The following PTP4A3 variants were observed in gnomAD, a reference collection of about 807,000 sequenced individuals.
PTP4A3 encodes protein tyrosine phosphatase 4A3.
A neutral mutation model predicts 15.2 loss-of-function variants in PTP4A3; 9 were observed. That is an observed-to-expected ratio of 0.59 (90% CI 0.36 to 1.03). The LOEUF (loss-of-function observed/expected upper bound fraction) is 1.03. Among genes scored for constraint, PTP4A3 ranks in the 50% least tolerant of loss-of-function variants. PTP4A3 has a pLI of 0.02. For synonymous variants in PTP4A3, 95 were observed against 102.0 expected (o/e 0.93, Z 0.41); for missense variants, 234 against 252.1 (o/e 0.93, Z 0.49).
At chr8:141,398,927 C>G (rs1832516408) in intron 1 of PTP4A3, among the ~76,000 whole-genome samples, 1 of 152,104 alleles carries the variant, frequency 6.6e-6, no homozygotes, top group South Asian at 2.1e-4. Context: ...CCAGGCCTGG[C>G]CCAGCTAGAG....
chr8:141,417,517 C>T (rs1207244810), intron 1 of PTP4A3, among the ~76,000 whole-genome samples: 1 of 152,110 alleles, frequency 6.6e-6, no homozygotes, highest in Non-Finnish European at 1.5e-5. Context: ...TGGGCGCGCT[C>T]TGTCCAGGCC....
intron 1 of PTP4A3, among the ~76,000 whole-genome samples, chr8:141,393,480 C>T (rs938106389): frequency 2.6e-5 from 4 of 152,250 alleles, no homozygotes; most frequent in African/African-American, 9.6e-5. Flanking sequence ...CCAACGTGTT[C>T]TCCAAGCACT....
chr8:141,425,221 G>A lies in PTP4A3; in HGVS notation c.198+81G>A. The A allele has an allele frequency of 7.2e-7, 1 of 1,380,074 alleles. No individual in the cohort carries two copies. 85.5% of individuals were successfully genotyped at this position (1,380,074 alleles called of 1,614,324 possible). On this transcript the variant is annotated intron_variant, in intron 3 of 5. Coordinates refer to ENST00000521578, the MANE Select transcript of PTP4A3 (RefSeq NM_032611.3). The surrounding 1 kb of genome is among the most constrained non-coding windows in gnomAD (Gnocchi z 4.2). ...CGGGGGGCTCCGGGCCTGCGCAGAG[G>A]GTTTGGTGCCCCTCCTGTGGCAGCC...
chr8:141,427,920 C>G, intron 5 of PTP4A3, 96 bp downstream of exon 5: 2 of 1,191,090 alleles, frequency 1.7e-6, no homozygotes, highest in South Asian at 1.4e-5. Flanking sequence ...GTGGTTCCGT[C>G]GCTCTGAGGC....
intron 1 of PTP4A3, among the ~76,000 whole-genome samples, chr8:141,408,875 A>T (rs1832797329): frequency 6.6e-6 from 1 of 152,158 alleles, no homozygotes; most frequent in Admixed American, 6.5e-5. Flanking sequence ...TGCGCTAGAG[A>T]CTAGAGTGAG....
At chr8:141,427,163 C>T (rs763220171) in intron 4 of PTP4A3, 94 bp downstream of exon 4, 25 of 1,516,024 alleles carry the variant, frequency 1.6e-5, no homozygotes, top group African/African-American at 4.1e-5. Context: ...CTTGAACACA[C>T]GTCCACGCGA....
chr8:141,428,034 G>C (rs1833668801), intron 5 of PTP4A3, among the ~76,000 whole-genome samples: 1 of 152,162 alleles, frequency 6.6e-6, no homozygotes, highest in South Asian at 2.1e-4. Context: ...CAGCCACACA[G>C]GGACACAGCG....
chr8:141,408,263 A>G, intron 1 of PTP4A3, among the ~76,000 whole-genome samples: 1 of 152,236 alleles, frequency 6.6e-6, no homozygotes, highest in East Asian at 1.9e-4. Context: ...GTGTTCTGGA[A>G]TTAGTGGTGA....
chr8:141,408,039 G>A lies in PTP4A3; in HGVS notation c.-853-13349G>A, dbSNP rs182081634. 4.1e-3 allele frequency among the ~76,000 whole-genome samples: 628 copies of A among 152,360 alleles called. 8 individuals are homozygous for A. Among genetic ancestry groups the A allele is most frequent in the Middle Eastern group, 0.014 (4 of 294 alleles). On this transcript the variant is annotated intron_variant, in intron 1 of 5. Transcript: ENST00000521578. ...AGTAGAATATAGGCGGCCAACAGGTGGAGCGGGCACAGACTCAGGCTGCGC... is the reference window on the plus strand; with the variant it reads ...AGTAGAATATAGGCGGCCAACAGGTAGAGCGGGCACAGACTCAGGCTGCGC...
rs186375615 is a variant in PTP4A3, at chr8:141,414,727, G to A, written c.-853-6661G>A. ...GCGCAGCTGTCTTGGTGGCTGGGGGGAGCAGGGATAAGGGTGGACTTCTTA... is the reference window on the plus strand; with the variant it reads ...GCGCAGCTGTCTTGGTGGCTGGGGGAAGCAGGGATAAGGGTGGACTTCTTA... On this transcript the variant is annotated intron_variant, in intron 1 of 5. Coordinates refer to ENST00000521578, the MANE Select transcript of PTP4A3 (RefSeq NM_032611.3). Among the ~76,000 whole-genome samples the A allele has an allele frequency of 3.3e-5, 5 of 152,042 alleles. No homozygotes were observed. In the South Asian group the frequency reaches 8.4e-4, roughly 25 times the overall value.
chr8:141,401,300 T>C (rs920471496), intron 1 of PTP4A3, among the ~76,000 whole-genome samples: 1 of 152,082 alleles, frequency 6.6e-6, no homozygotes, highest in Non-Finnish European at 1.5e-5. Context: ...TGAGGTGACC[T>C]CTAGCCAGCC....
At chr8:141,419,571 GT>G (rs66940476) in intron 1 of PTP4A3, among the ~76,000 whole-genome samples, 30,703 of 131,954 alleles carry the variant, frequency 0.23, 3,852 homozygotes, top group African/African-American at 0.41. Context: ...CCCACCACCG[GT>G]TTTTTTTTTT....
chr8:141,402,147 G>A (rs771347572), intron 1 of PTP4A3, among the ~76,000 whole-genome samples: 1 of 152,182 alleles, frequency 6.6e-6, no homozygotes, highest in Non-Finnish European at 1.5e-5. Context: ...ATTGGAGGCC[G>A]CCCTGGGTGA....
chr8:141,408,052 A>G (rs2129910185), intron 1 of PTP4A3, among the ~76,000 whole-genome samples: 1 of 152,298 alleles, frequency 6.6e-6, no homozygotes, highest in Admixed American at 6.5e-5. Context: ...GCGGGCACAG[A>G]CTCAGGCTGC....
Position 141,406,257 on chromosome 8 carries a change from G to C in PTP4A3, c.-854+14173G>C, listed in dbSNP as rs1241545722. Reference sequence around the variant, plus strand: ...TGTCGGCCACCCACGGCTGCTTCCTGCCCCATCTGGGGATTCCGGGGACTT... The same window carrying C: ...TGTCGGCCACCCACGGCTGCTTCCTCCCCCATCTGGGGATTCCGGGGACTT... On this transcript the variant is annotated intron_variant, in intron 1 of 5. Coordinates refer to ENST00000521578, the MANE Select transcript of PTP4A3 (RefSeq NM_032611.3). The surrounding 1 kb of genome is among the most constrained non-coding windows in gnomAD (Gnocchi z 4.5). Among the ~76,000 whole-genome samples the C allele has an allele frequency of 6.6e-6, 1 of 152,150 alleles. No individual in the cohort carries two copies. The highest frequency in any genetic ancestry group is 1.9e-4 in the East Asian group (1 of 5,178).
Position 141,425,095 on chromosome 8 carries a change from G to A in PTP4A3, c.153G>A (p.Val51=). The change falls in exon 3 of 6, where the codon GTG becomes GTA. Residue 51 remains valine (V), a synonymous_variant. Coordinates refer to ENST00000521578, the MANE Select transcript of PTP4A3 (RefSeq NM_032611.3). The surrounding 1 kb of genome is among the most constrained non-coding windows in gnomAD (Gnocchi z 4.2). ...CCACTGTGGTGCGTGTGTGTGAAGT[G>A]ACCTATGACAAAACGCCGCTGGAGA... ...GATTVVRVCE[V]TYDKTPLEKD... is the part of the protein sequence containing the mutation. The A allele has an allele frequency of 6.2e-7, 1 of 1,601,836 alleles. No individual in the cohort carries two copies. Among genetic ancestry groups the A allele is most frequent in the Non-Finnish European group, 8.5e-7 (1 of 1,173,182 alleles).
chr8:141,432,445 G>A lies in PTP4A3; in HGVS notation c.*1401G>A, dbSNP rs541523380. ...TGGAACTCAAGTAAATCCAATGCAT[G>A]TTGGGTGAAGTTTGCTGTATTTTTT... On this transcript the variant is annotated 3_prime_UTR_variant, in exon 6 of 6. Coordinates refer to ENST00000521578, the MANE Select transcript of PTP4A3 (RefSeq NM_032611.3). The A allele has an allele frequency of 2.0e-5, 3 of 152,300 alleles. No homozygotes were observed. The highest frequency in any genetic ancestry group is 2.1e-4 in the South Asian group (1 of 4,814). The allele number at this position is 152,300 out of a possible 1,614,324, so 9.4% of individuals were successfully genotyped here. A position where few individuals can be genotyped will look rare whatever the true frequency, so the allele number is the denominator to read the frequency against.
At chr8:141,400,139 C>A (rs1832553284) in intron 1 of PTP4A3, among the ~76,000 whole-genome samples, 1 of 152,228 alleles carries the variant, frequency 6.6e-6, no homozygotes, top group African/African-American at 2.4e-5. Context: ...AGTGATCCTC[C>A]TGCCCCAGCC....
chr8:141,430,777 G>A, intron 5 of PTP4A3, 150 bp from the exon 6 acceptor site: 1 of 694,284 alleles, frequency 1.4e-6, no homozygotes, highest in South Asian at 1.7e-5. Flanking sequence ...TCTGGGAGCA[G>A]CCGTGCCAAG....
Sources: allele counts gnomAD v4.1 joint callset (sites outside exome capture counted in the v4.1 genomes callset), GRCh38; gene constraint gnomAD v4.1.1; non-coding constraint Gnocchi (gnomAD v3.1); transcripts MANE v1.5; gene names NCBI Gene and HGNC (gene_info 2026-07-23, HGNC 2026-07-21).